The following FAM228B variants were observed in gnomAD, a reference collection of about 807,000 sequenced individuals.
The protein encoded by FAM228B is protein FAM228B.
In FAM228B, 38 loss-of-function variants were observed where a neutral mutation model predicts 42.6. The observed-to-expected ratio is 0.89, with a 90% CI of 0.69 to 1.17. The LOEUF (loss-of-function observed/expected upper bound fraction) is 1.17. Among genes scored for constraint, FAM228B ranks in the 50% most tolerant of loss-of-function variants. The probability of loss-of-function intolerance (pLI) is 0.00; values close to 1 mark genes in which losing one functional copy is unlikely to be tolerated. For synonymous variants in FAM228B, 109 were observed against 122.3 expected, an observed-to-expected ratio of 0.89 and a Z score of 0.72; for missense variants, 344 against 367.3, an observed-to-expected ratio of 0.94 and a Z score of 0.52.
At chr2:24,127,370 T>G (rs934913930) in intron 2 of FAM228B, among the ~76,000 whole-genome samples, 4 of 152,142 alleles carry the variant, frequency 2.6e-5, no homozygotes, top group Admixed American at 6.5e-5. Context: ...GTTGTTTCTG[T>G]TTTTTTGCTG....
chr2:24,163,446 A>G (rs1338284541), intron 8 of FAM228B, among the ~76,000 whole-genome samples: 1 of 152,162 alleles, frequency 6.6e-6, no homozygotes, highest in Non-Finnish European at 1.5e-5. Flanking sequence ...TAGGAGCCAC[A>G]AGTGAGGGGA....
chr2:24,135,259 T>C, intron 3 of FAM228B, 72 bp downstream of exon 3: 1 of 839,710 alleles, frequency 1.2e-6, no homozygotes, highest in East Asian at 2.8e-5. Context: ...TGTAGCATAT[T>C]CTATAAAAAC....
At chr2:24,115,644 G>A in intron 3 of FAM228B, 9 of 1,604,444 alleles carry the variant, frequency 5.6e-6, no homozygotes, top group South Asian at 5.5e-5. Flanking sequence ...TATTATTTAT[G>A]AGCTGCAAAT....
At position 24,077,443 on chromosome 2, in the gene FAM228B, C is replaced by T; in HGVS notation, c.-290+474C>T. The T allele has an allele frequency of 9.1e-7, 1 of 1,094,710 alleles. No homozygotes were observed. Among genetic ancestry groups the T allele is most frequent in the African/African-American group, 1.6e-5 (1 of 63,600 alleles). 67.8% of individuals were successfully genotyped at this position (1,094,710 alleles called of 1,614,324 possible). A position where few individuals can be genotyped will look rare whatever the true frequency, so the allele number is the denominator to read the frequency against. ...GTCCGCGTGCCACCCTTCCAGTTCA[C>T]TCTTTATTTCCTCATATCAGCTTTA... On this transcript the variant is annotated intron_variant, in intron 1 of 10. Transcript: ENST00000613899. This position sits in a 1 kb window ranked among gnomAD's most constrained non-coding sequence, Gnocchi z 5.5.
intron 2 of FAM228B, among the ~76,000 whole-genome samples, chr2:24,088,261 A>T (rs929250527): frequency 2.0e-5 from 3 of 152,116 alleles, no homozygotes; most frequent in Admixed American, 1.3e-4. Flanking sequence ...GGTGTACCCC[A>T]ACTCCATGGG....
Position 24,080,769 on chromosome 2 carries a change from T to C in FAM228B, c.-289-107T>C. 1.2e-5 allele frequency: 20 copies of C among 1,606,742 alleles called. No individual in the cohort carries two copies. Among genetic ancestry groups the C allele is most frequent in the Non-Finnish European group, 1.7e-5 (20 of 1,174,138 alleles). On this transcript the variant is annotated intron_variant, in intron 1 of 10. Coordinates refer to the FAM228B transcript ENST00000613899. The surrounding 1 kb of genome is among the most constrained non-coding windows in gnomAD (Gnocchi z 4.7). Reference sequence around the variant, plus strand: ...GCAACTTTGAGACTGGTGGGGCTTTTATTTAATCATCTCTTAAATTCCTGC... The same window carrying C: ...GCAACTTTGAGACTGGTGGGGCTTTCATTTAATCATCTCTTAAATTCCTGC...
chr2:24,119,727 A>G (rs1042373088), upstream of FAM228B: 4 of 1,440,460 alleles, frequency 2.8e-6, no homozygotes, highest in Non-Finnish European at 3.9e-6. Context: ...GGTTCTAATC[A>G]CAGGACCAGT....
intron 2 of FAM228B, among the ~76,000 whole-genome samples, chr2:24,134,262 A>G (rs1666524965): frequency 6.6e-6 from 1 of 152,246 alleles, no homozygotes; most frequent in Non-Finnish European, 1.5e-5. Context: ...TGAATTCATT[A>G]TGGAAGAACA....
In FAM228B at chr2:24,164,338, A is replaced by G. The variant is rs1291172255; in HGVS notation, c.932+3A>G. ...GAACGGGAGGAAGACCAGGATGGGTAAGAGCTGGGGCTGTCCCATTTCATC... is the reference window on the plus strand; with the variant it reads ...GAACGGGAGGAAGACCAGGATGGGTGAGAGCTGGGGCTGTCCCATTTCATC... On this transcript the variant is annotated splice_donor_region_variant and intron_variant, in intron 9 of 10. Coordinates refer to ENST00000615575, the MANE Select transcript of FAM228B (RefSeq NM_001145710.2). 1.0e-5 allele frequency: 16 copies of G among 1,549,678 alleles called. No individual in the cohort carries two copies. In the Admixed American group the frequency reaches 2.0e-4, roughly 19 times the overall value.
At chr2:24,093,124 C>CTTTTTA (rs1427575598) in intron 2 of FAM228B, among the ~76,000 whole-genome samples, 1 of 152,110 alleles carries the variant, frequency 6.6e-6, no homozygotes, top group Non-Finnish European at 1.5e-5. Flanking sequence ...TCCCCTCTCA[C>CTTTTTA]TTTTTATTTT....
In FAM228B at chr2:24,084,459, G is replaced by T. The variant is rs1665172447; in HGVS notation, c.-210+3504G>T. 8.6e-7 allele frequency: 1 copy of T among 1,161,494 alleles called. No individual in the cohort carries two copies. The allele number at this position is 1,161,494 out of a possible 1,614,324, so 71.9% of individuals were successfully genotyped here. On this transcript the variant is annotated intron_variant, in intron 2 of 10. Coordinates refer to the FAM228B transcript ENST00000613899. This position sits in a 1 kb window ranked among gnomAD's most constrained non-coding sequence, Gnocchi z 8.4. ...CGCGGAGCAGCCCAGCCTCAGGCTGGCACCGCAGCGCCCCCTGCCGGCCAG... is the reference window on the plus strand; with the variant it reads ...CGCGGAGCAGCCCAGCCTCAGGCTGTCACCGCAGCGCCCCCTGCCGGCCAG...
chr2:24,116,760 A>G (rs143205556), intron 3 of FAM228B, among the ~76,000 whole-genome samples: 1 of 151,918 alleles, frequency 6.6e-6, no homozygotes, highest in African/African-American at 2.4e-5. Context: ...AGGCTGAGGC[A>G]GGAGAATCTC....
At position 24,169,176 on chromosome 2, in the gene FAM228B, G is replaced by A. The variant is rs556196027; in HGVS notation, c.*15-180G>A. ...CTCAGTGCTTCTGACTCCAGACAGC[G>A]CGAGGAAAGGCTGAGGCAGGAGGCC... is the stretch of plus-strand genomic sequence containing the variant. On this transcript the variant is annotated intron_variant, in intron 10 of 10. Transcript: ENST00000615575. The surrounding 1 kb of genome is among the most constrained non-coding windows in gnomAD (Gnocchi z 4.2). 5.9e-5 allele frequency among the ~76,000 whole-genome samples: 9 copies of A among 152,256 alleles called. No individual in the cohort carries two copies. Among genetic ancestry groups the A allele is most frequent in the East Asian group, 3.9e-4 (2 of 5,184 alleles).
At chr2:24,091,884 G>A in intron 2 of FAM228B, among the ~76,000 whole-genome samples, 1 of 152,268 alleles carries the variant, frequency 6.6e-6, no homozygotes, top group African/African-American at 2.4e-5. Context: ...ATAAAGTGGT[G>A]TTAGAGTGTA....
intron 2 of FAM228B, chr2:24,085,825 T>C (rs188352410): frequency 2.0e-5 from 3 of 152,338 alleles, no homozygotes; most frequent in Non-Finnish European, 4.4e-5. Flanking sequence ...TAATGTGCTT[T>C]AACAAGTATC....
intron 2 of FAM228B, among the ~76,000 whole-genome samples, chr2:24,133,032 C>G (rs1024313644): frequency 2.6e-5 from 4 of 152,188 alleles, no homozygotes; most frequent in Admixed American, 6.6e-5. Flanking sequence ...TCTCACCTTC[C>G]AGCTCCCATG....
At chr2:24,092,136 A>G (rs1192254459) in intron 2 of FAM228B, among the ~76,000 whole-genome samples, 1 of 149,434 alleles carries the variant, frequency 6.7e-6, no homozygotes, top group Non-Finnish European at 1.5e-5. Context: ...GGAGATGGAA[A>G]GATCACATGG....
intron 3 of FAM228B, among the ~76,000 whole-genome samples, chr2:24,110,679 T>A (rs1665776059): frequency 6.6e-6 from 1 of 152,166 alleles, no homozygotes; most frequent in Non-Finnish European, 1.5e-5. Context: ...CTTGCATCCT[T>A]TATAAGAAAA....
chr2:24,087,631 A>G (rs1665291046), intron 2 of FAM228B, among the ~76,000 whole-genome samples: 1 of 151,376 alleles, frequency 6.6e-6, no homozygotes, highest in Admixed American at 6.6e-5. Flanking sequence ...TTGTTGTTGA[A>G]ACTGAGTCTC....
Sources: allele counts gnomAD v4.1 joint callset (sites outside exome capture counted in the v4.1 genomes callset), GRCh38; gene constraint gnomAD v4.1.1; non-coding constraint Gnocchi (gnomAD v3.1); transcripts MANE v1.5; gene names NCBI Gene and HGNC (gene_info 2026-07-23, HGNC 2026-07-21).